PRKN: variants seen among roughly 807,000 people sequenced by gnomAD.
The protein encoded by PRKN is parkin RBR E3 ubiquitin protein ligase.
A neutral mutation model predicts 59.5 loss-of-function variants in PRKN; 56 were observed. The observed-to-expected ratio is 0.94, with a 90% confidence interval of 0.76 to 1.18. PRKN has a LOEUF of 1.18. Among genes scored for constraint, PRKN ranks in the 50% most tolerant of loss-of-function variants. The probability of loss-of-function intolerance (pLI) is 0.00; values close to 1 mark genes in which losing one functional copy is unlikely to be tolerated. For synonymous variants in PRKN, 250 were observed against 222.1 expected (o/e 1.13, Z -1.12); for missense variants, 657 against 596.4 (o/e 1.10, Z -1.06).
rs1192381087 is a variant in PRKN at position 161,562,043 on chromosome 6, C to T, written c.933+7312G>A. Among the ~76,000 whole-genome samples the T allele has an allele frequency of 2.0e-5, 3 of 151,964 alleles. No homozygotes were observed. Among genetic ancestry groups the T allele is most frequent in the Non-Finnish European group, 2.9e-5 (2 of 67,964 alleles). ...ATCACCATTCCTCCTCTGGAAGGCC[C>T]GCCTTCTCAGCTTCCCCAACACCAT... On this transcript the variant is annotated intron_variant, in intron 8 of 11. Coordinates refer to ENST00000366898, the MANE Select transcript of PRKN (RefSeq NM_004562.3). This position sits in a 1 kb window ranked among gnomAD's most constrained non-coding sequence, Gnocchi z 4.3.
At chr6:162,170,281 T>A (rs1471851994) in intron 4 of PRKN, among the ~76,000 whole-genome samples, 10 of 152,164 alleles carry the variant, frequency 6.6e-5, no homozygotes, top group Admixed American at 1.3e-4. Flanking sequence ...CACATCAACG[T>A]TTTAAGATCC....
chr6:162,293,160 A>G (rs1781518199), intron 2 of PRKN, among the ~76,000 whole-genome samples: 1 of 152,202 alleles, frequency 6.6e-6, no homozygotes, highest in Non-Finnish European at 1.5e-5. Context: ...CAACATCCCC[A>G]GTTTCACTTC....
chr6:161,760,971 T>C (rs1789175471), intron 7 of PRKN, among the ~76,000 whole-genome samples: 1 of 152,236 alleles, frequency 6.6e-6, no homozygotes, highest in South Asian at 2.1e-4. Flanking sequence ...AGAGTGTTTT[T>C]CACTATGCCA....
intron 2 of PRKN, among the ~76,000 whole-genome samples, chr6:162,326,291 G>A (rs377427649): frequency 2.0e-5 from 3 of 152,104 alleles, no homozygotes; most frequent in Admixed American, 6.6e-5. Context: ...GGGATTATAA[G>A]TCAGGCAAAA....
At chr6:161,922,377 G>A (rs1778817391) in intron 6 of PRKN, among the ~76,000 whole-genome samples, 1 of 151,960 alleles carries the variant, frequency 6.6e-6, no homozygotes, top group Non-Finnish European at 1.5e-5. Flanking sequence ...GTTTTGCCCT[G>A]GTATGCAAAA....
chr6:161,420,568 C>A (rs901253913), intron 9 of PRKN, among the ~76,000 whole-genome samples: 2 of 151,880 alleles, frequency 1.3e-5, no homozygotes, highest in African/African-American at 4.8e-5. Context: ...GGCGGGAGTG[C>A]AATGGTACAA....
intron 7 of PRKN, among the ~76,000 whole-genome samples, chr6:161,782,289 A>G (rs1790238485): frequency 6.6e-6 from 1 of 152,218 alleles, no homozygotes; most frequent in African/African-American, 2.4e-5. Context: ...TAGGTACTAT[A>G]GAGTGAAAAA....
At chr6:162,101,802 C>T (rs1779982072) in intron 4 of PRKN, among the ~76,000 whole-genome samples, 2 of 152,142 alleles carry the variant, frequency 1.3e-5, no homozygotes, top group Non-Finnish European at 2.9e-5. Context: ...TGTGATGCCT[C>T]CAGCTTTATT....
intron 6 of PRKN, among the ~76,000 whole-genome samples, chr6:161,893,597 TTCTACATGTAAAA>T (rs1404424573): frequency 1.3e-5 from 2 of 152,182 alleles, no homozygotes; most frequent in East Asian, 3.9e-4. Context: ...GAGCCTCAGT[TTCTACATGTAAAA>T]TATGGACCAG....
intron 7 of PRKN, among the ~76,000 whole-genome samples, chr6:161,570,205 AAAT>A (rs572254316): frequency 0.014 from 2,007 of 144,136 alleles, 58 homozygotes; most frequent in African/African-American, 0.05. Context: ...CGTATGTATA[AAAT>A]ATTATATAAT....
intron 7 of PRKN, among the ~76,000 whole-genome samples, chr6:161,776,143 A>G (rs1251414939): frequency 6.6e-6 from 1 of 152,210 alleles, no homozygotes; most frequent in Non-Finnish European, 1.5e-5. Context: ...AAGTAAGTGC[A>G]TTTTGCATAG....
At chr6:161,714,301 A>G (rs962657590) in intron 7 of PRKN, among the ~76,000 whole-genome samples, 1 of 152,132 alleles carries the variant, frequency 6.6e-6, no homozygotes, top group Admixed American at 6.5e-5. Context: ...GGTGTTGCCA[A>G]TGCAGTATTA....
intron 9 of PRKN, among the ~76,000 whole-genome samples, chr6:161,537,514 T>C (rs568214150): frequency 4.2e-4 from 64 of 151,990 alleles, no homozygotes; most frequent in South Asian, 3.1e-3. Context: ...TTTAGTGGCG[T>C]GATCTCGGCT....
chr6:161,918,487 G>C (rs568821384), intron 6 of PRKN, among the ~76,000 whole-genome samples: 1 of 152,286 alleles, frequency 6.6e-6, no homozygotes, highest in East Asian at 1.9e-4. Flanking sequence ...CAATGAAACA[G>C]AGATTGAGCC....
chr6:162,043,229 T>G (rs1451221116), intron 5 of PRKN, among the ~76,000 whole-genome samples: 1 of 152,132 alleles, frequency 6.6e-6, no homozygotes, highest in Non-Finnish European at 1.5e-5. Context: ...CATGGGAATT[T>G]TGGGAGACAC....
intron 1 of PRKN, among the ~76,000 whole-genome samples, chr6:162,510,881 C>T (rs1186550660): frequency 1.3e-5 from 2 of 151,978 alleles, no homozygotes; most frequent in Admixed American, 6.6e-5. Flanking sequence ...CGAGATTGTG[C>T]CACTGCACTC....
rs1439630044 is a variant in PRKN, at chr6:162,274,172, A to AATTAATTAATTT, written c.172-11408_172-11407insAAATTAATTAAT. Among the ~76,000 whole-genome samples the AATTAATTAATTT allele has an allele frequency of 7.0e-3, 1,058 of 151,472 alleles. 14 individuals carry two copies. Among genetic ancestry groups the AATTAATTAATTT allele is most frequent in the African/African-American group, 0.024 (984 of 41,176 alleles). ...TTGTAATTTAATTAATTAATTTATT[A>AATTAATTAATTT]ATTTATTAATGTATTTATTTATTTA... On this transcript the variant is annotated intron_variant, in intron 2 of 11. Coordinates refer to ENST00000366898, the MANE Select transcript of PRKN (RefSeq NM_004562.3).
intron 5 of PRKN, among the ~76,000 whole-genome samples, chr6:162,050,754 C>T (rs974634486): frequency 2.6e-5 from 4 of 152,212 alleles, no homozygotes; most frequent in South Asian, 2.1e-4. Flanking sequence ...CCCAGAGGAG[C>T]GTGGTCCATG....
chr6:161,773,034 A>C (rs980289908), intron 7 of PRKN, among the ~76,000 whole-genome samples: 1 of 152,186 alleles, frequency 6.6e-6, no homozygotes, highest in Non-Finnish European at 1.5e-5. Flanking sequence ...TACAAAGAAA[A>C]GCAGGGAATG....
Sources: allele counts gnomAD v4.1 joint callset (sites outside exome capture counted in the v4.1 genomes callset), GRCh38; gene constraint gnomAD v4.1.1; non-coding constraint Gnocchi (gnomAD v3.1); transcripts MANE v1.5; gene names NCBI Gene and HGNC (gene_info 2026-07-23, HGNC 2026-07-21).